RCOR1: variants seen among roughly 807,000 people sequenced by gnomAD.
The protein encoded by RCOR1 is REST corepressor 1, also known as REST corepressor.
A neutral mutation model predicts 64.0 loss-of-function variants in RCOR1; 12 were observed. The ratio of observed to expected loss-of-function variants is 0.19; its 90% CI spans 0.12 to 0.30. The LOEUF is 0.30. RCOR1 is among the 10% of genes least tolerant of loss of function. RCOR1 has a pLI of 1.00. For missense variants in RCOR1, 502 were observed against 621.2 expected (o/e 0.81, Z 2.04); for synonymous variants, 279 against 227.2 (o/e 1.23, Z -2.05).
In RCOR1 at chr14:102,615,415, T is replaced by A. The variant is rs1466433386; in HGVS notation, c.361+22090T>A. Among the ~76,000 whole-genome samples, 5 of 151,872 alleles carry A rather than the reference T, an allele frequency of 3.3e-5. 1 individual carries two copies. The highest frequency in any genetic ancestry group is 6.6e-5 in the Admixed American group (1 of 15,214). ...TCGTGGCCTCCTGCAGTGCTGGGGT[T>A]ATAGGCATGAGCCACCTTGGCCTGC... is the stretch of plus-strand genomic sequence containing the variant. On this transcript the variant is annotated intron_variant, in intron 2 of 11. Transcript: ENST00000262241.
At chr14:102,617,896 T>C (rs1893795040) in intron 2 of RCOR1, among the ~76,000 whole-genome samples, 1 of 151,674 alleles carries the variant, frequency 6.6e-6, no homozygotes, top group African/African-American at 2.4e-5. Context: ...CCCAAGACTC[T>C]ATCTCAAATA....
Position 102,714,635 on chromosome 14 carries a change from C to G in RCOR1, c.1053+18C>G. On this transcript the variant is annotated intron_variant, in intron 8 of 11. Coordinates refer to ENST00000262241, the MANE Select transcript of RCOR1 (RefSeq NM_015156.4). ...AACGACAGGTACTCATAAGCCTGGT[C>G]TTGGATGTAAAAGAATTAATTAGCA... The G allele has an allele frequency of 1.3e-6, 2 of 1,555,370 alleles. No individual in the cohort carries two copies. Among genetic ancestry groups the G allele is most frequent in the Non-Finnish European group, 1.7e-6 (2 of 1,145,340 alleles).
chr14:102,650,469 T>A (rs1347518733), intron 2 of RCOR1, among the ~76,000 whole-genome samples: 1 of 152,082 alleles, frequency 6.6e-6, no homozygotes, highest in South Asian at 2.1e-4. Flanking sequence ...TTCTGAAGTA[T>A]GTTAATAAAG....
chr14:102,701,136 T>C, intron 3 of RCOR1, 142 bp from the exon 4 acceptor site: 1 of 715,746 alleles, frequency 1.4e-6, no homozygotes, highest in Non-Finnish European at 2.5e-6. Flanking sequence ...TTGTGGGAGA[T>C]ACAAATCAAA....
At chr14:102,672,790 T>G (rs1595222874) in intron 2 of RCOR1, among the ~76,000 whole-genome samples, 1 of 152,208 alleles carries the variant, frequency 6.6e-6, no homozygotes, top group East Asian at 1.9e-4. Context: ...GGAACTCTCA[T>G]ACCCTGCTGG....
chr14:102,613,704 G>A (rs1404484219), intron 2 of RCOR1, among the ~76,000 whole-genome samples: 1 of 150,024 alleles, frequency 6.7e-6, no homozygotes, highest in Non-Finnish European at 1.5e-5. Context: ...ACAGGCATGA[G>A]CCACCGCGCC....
chr14:102,722,903 G>T (rs1475614268), intron 11 of RCOR1, among the ~76,000 whole-genome samples: 1 of 152,166 alleles, frequency 6.6e-6, no homozygotes, highest in Non-Finnish European at 1.5e-5. Flanking sequence ...TGCTCTTTGG[G>T]GCTGATTGGC....
intron 2 of RCOR1, among the ~76,000 whole-genome samples, chr14:102,654,783 T>C (rs551974700): frequency 1.6e-3 from 224 of 143,474 alleles, no homozygotes; most frequent in African/African-American, 6.0e-3. Context: ...TCCCTGTGGT[T>C]GAGTTTTTTT....
At chr14:102,691,547 A>G (rs1248172314) in intron 3 of RCOR1, among the ~76,000 whole-genome samples, 1 of 152,254 alleles carries the variant, frequency 6.6e-6, no homozygotes, top group Non-Finnish European at 1.5e-5. Flanking sequence ...CCTAGTTTTC[A>G]GCTTTTTAAA....
intron 2 of RCOR1, among the ~76,000 whole-genome samples, chr14:102,634,343 C>A (rs977121122): frequency 3.9e-5 from 6 of 151,948 alleles, no homozygotes; most frequent in African/African-American, 1.5e-4. Context: ...CCACTGCACT[C>A]CATCCTGGGT....
intron 2 of RCOR1, among the ~76,000 whole-genome samples, chr14:102,607,023 T>G (rs1358065017): frequency 6.7e-6 from 1 of 148,906 alleles, no homozygotes; most frequent in Non-Finnish European, 1.5e-5. Flanking sequence ...AGCCTCTGCC[T>G]CCCGGATTCA....
intron 11 of RCOR1, 90 bp downstream of exon 11, chr14:102,722,506 A>C (rs567492481): frequency 9.7e-7 from 1 of 1,029,948 alleles, no homozygotes; most frequent in East Asian, 2.4e-5. Context: ...AGCTATAGAG[A>C]TTTTTAGGTA....
Position 102,714,475 on chromosome 14 carries a change from A to G in RCOR1, c.911A>G (p.Gln304Arg). 1 of 1,613,750 alleles carries G rather than the reference A, an allele frequency of 6.2e-7. No homozygotes were observed. Among genetic ancestry groups the G allele is most frequent in the Non-Finnish European group, 8.5e-7 (1 of 1,179,740 alleles). The change falls in exon 8 of 12, where the codon CAA becomes CGA. Residue 304 changes from glutamine (Q) to arginine (R), a missense_variant. Transcript: ENST00000262241. The part of the protein sequence containing the change: ...PQVKKEKHST[Q>R]AKNRAKRKPP... ...GTCAAAAAAGAAAAACATAGCACACAAGCTAAAAATAGAGCAAAAAGGAAA... is the reference window on the plus strand; with the variant it reads ...GTCAAAAAAGAAAAACATAGCACACGAGCTAAAAATAGAGCAAAAAGGAAA...
intron 2 of RCOR1, among the ~76,000 whole-genome samples, chr14:102,609,389 T>TTAA (rs1413063276): frequency 6.8e-4 from 103 of 152,206 alleles, no homozygotes; most frequent in African/African-American, 2.2e-3. Context: ...TCACAGTAGC[T>TTAA]TAACCATTTT....
At chr14:102,708,727 C>G (rs1233600322) in intron 6 of RCOR1, 144 bp downstream of exon 6, 1 of 497,494 alleles carries the variant, frequency 2.0e-6, no homozygotes, top group African/African-American at 2.0e-5. Context: ...TAGAGCGTGT[C>G]ACATTATTCA....
At chr14:102,700,499 A>G (rs1456126110) in intron 3 of RCOR1, among the ~76,000 whole-genome samples, 9 of 152,238 alleles carry the variant, frequency 5.9e-5, no homozygotes, top group Admixed American at 5.9e-4. Flanking sequence ...CTGGGATTAC[A>G]GGCATGAGCT....
rs192830492 is a variant in RCOR1, at chr14:102,658,591, A to G, written c.362-23304A>G. ...CAGGATGGCTACCTACCTACCCCCCATCCTTTTCCTGTATGCTATGGATTA... is the reference window on the plus strand; with the variant it reads ...CAGGATGGCTACCTACCTACCCCCCGTCCTTTTCCTGTATGCTATGGATTA... On this transcript the variant is annotated intron_variant, in intron 2 of 11. Coordinates refer to ENST00000262241, the MANE Select transcript of RCOR1 (RefSeq NM_015156.4). 1.4e-3 allele frequency: 1,411 copies of G among 985,322 alleles called. 3 individuals are homozygous for G. Among genetic ancestry groups the G allele is most frequent in the Non-Finnish European group, 1.2e-3 (1,014 of 829,886 alleles). 61.0% of individuals were successfully genotyped at this position (985,322 alleles called of 1,614,324 possible). A position where few individuals can be genotyped will look rare whatever the true frequency, so the allele number is the denominator to read the frequency against.
At chr14:102,619,875 T>C (rs753807821) in intron 2 of RCOR1, among the ~76,000 whole-genome samples, 1 of 152,232 alleles carries the variant, frequency 6.6e-6, no homozygotes, top group African/African-American at 2.4e-5. Flanking sequence ...TAGTCTGTTA[T>C]AGTAATAATC....
At chr14:102,631,104 A>G (rs1029911747) in intron 2 of RCOR1, among the ~76,000 whole-genome samples, 1 of 151,886 alleles carries the variant, frequency 6.6e-6, no homozygotes, top group African/African-American at 2.4e-5. Flanking sequence ...CTTCTGTCAC[A>G]TTTCCCCGAT....
Sources: allele counts gnomAD v4.1 joint callset (sites outside exome capture counted in the v4.1 genomes callset), GRCh38; gene constraint gnomAD v4.1.1; transcripts MANE v1.5; gene names NCBI Gene and HGNC (gene_info 2026-07-23, HGNC 2026-07-21).